DNAI7: variants seen among roughly 807,000 people sequenced by gnomAD.
DNAI7 encodes the protein cancer susceptibility 1.
Under a neutral mutation model 86.6 loss-of-function variants are expected in DNAI7, and 78 were observed. That is an observed-to-expected ratio of 0.90 (90% confidence interval 0.75 to 1.09). DNAI7 has a LOEUF of 1.09. Among genes scored for constraint, DNAI7 ranks in the 50% least tolerant of loss-of-function variants. The pLI is 0.00. For missense variants in DNAI7, 753 were observed against 810.2 expected, an observed-to-expected ratio of 0.93 and a Z score of 0.86; for synonymous variants, 274 against 273.0, an observed-to-expected ratio of 1.00 and a Z score of -0.04.
At chr12:25,175,394 A>T (rs1030716642) in intron 2 of DNAI7, among the ~76,000 whole-genome samples, 1 of 151,678 alleles carries the variant, frequency 6.6e-6, no homozygotes, top group African/African-American at 2.4e-5. Flanking sequence ...TTTGAGACGG[A>T]CTCTCGCTCT....
At chr12:25,131,293 T>A (rs1942893679) in intron 9 of DNAI7, among the ~76,000 whole-genome samples, 1 of 152,190 alleles carries the variant, frequency 6.6e-6, no homozygotes, top group African/African-American at 2.4e-5. Flanking sequence ...TATCATGAAT[T>A]TATATGGCAG....
intron 9 of DNAI7, among the ~76,000 whole-genome samples, chr12:25,142,572 A>G (rs1944341459): frequency 6.6e-6 from 1 of 152,154 alleles, no homozygotes; most frequent in Non-Finnish European, 1.5e-5. Context: ...TTTGAGATAG[A>G]TGCATAAGAA....
Position 25,149,748 on chromosome 12 carries a change from TA to T in DNAI7, c.464del (p.Leu155TyrfsTer14). 2 of 1,528,428 alleles carry T rather than the reference TA, an allele frequency of 1.3e-6. No homozygotes were observed. The highest frequency in any genetic ancestry group is 1.8e-6 in the Non-Finnish European group (2 of 1,107,876). 94.7% of individuals were successfully genotyped at this position (1,528,428 alleles called of 1,614,324 possible). On this transcript the variant is annotated frameshift_variant, in exon 7 of 16. Coordinates refer to ENST00000395987, the MANE Select transcript of DNAI7 (RefSeq NM_018272.5). LOFTEE classifies it high-confidence loss of function. Reference sequence around the variant, plus strand: ...GCAAATCACATGGTGGAGTTTCCAGTAAAATAAATTTCAATTTCTCAATTAA... The same window carrying T: ...GCAAATCACATGGTGGAGTTTCCAGTAAATAAATTTCAATTTCTCAATTAA... ...LNLIEKLKFI[L>X]LETPPCDLQD...
At chr12:25,111,971 G>A (rs776669435) in intron 13 of DNAI7, 32 bp from the exon 14 acceptor site, 8 of 1,452,764 alleles carry the variant, frequency 5.5e-6, no homozygotes, top group South Asian at 2.6e-5. Context: ...AAGCTTTTAT[G>A]TAAGTTAAAT....
chr12:25,193,217 A>T (rs2141423709), intron 1 of DNAI7, among the ~76,000 whole-genome samples: 1 of 152,262 alleles, frequency 6.6e-6, no homozygotes, highest in African/African-American at 2.4e-5. Context: ...ATTTGATCTA[A>T]TTGGAGACAG....
At chr12:25,175,247 T>C (rs1948827066) in intron 2 of DNAI7, among the ~76,000 whole-genome samples, 1 of 152,240 alleles carries the variant, frequency 6.6e-6, no homozygotes, top group Non-Finnish European at 1.5e-5. Flanking sequence ...TTACCTCTTA[T>C]GTCACTGAAA....
rs752466880 is a variant in DNAI7 at position 25,158,583 on chromosome 12, T to A, written c.107-20A>T. The A allele has an allele frequency of 2.5e-6, 4 of 1,602,972 alleles. No individual in the cohort carries two copies. The highest frequency in any genetic ancestry group is 1.3e-5 in the African/African-American group (1 of 74,658). Reference sequence around the variant, plus strand: ...CTTCCTCTAAAGAACCAAAAATAATTTTTTTCTCAGTGAATAGATCACTGT... The same window carrying A: ...CTTCCTCTAAAGAACCAAAAATAATATTTTTCTCAGTGAATAGATCACTGT... On this transcript the variant is annotated intron_variant, in intron 3 of 15. Transcript: ENST00000395987.
chr12:25,181,528 C>A (rs147374073), intron 2 of DNAI7, among the ~76,000 whole-genome samples: 2 of 152,030 alleles, frequency 1.3e-5, no homozygotes, highest in Non-Finnish European at 2.9e-5. Context: ...GCAACAAAAA[C>A]AAAAATTGAT....
At position 25,173,472 on chromosome 12, in the gene DNAI7, G is replaced by T. The variant is rs149914323; in HGVS notation, c.22-12275C>A. On this transcript the variant is annotated intron_variant, in intron 2 of 15. Transcript: ENST00000395987. ...AACACTAAATGTTGGCATGGATATGGTGAACAGGAAAAACTTCCAGAAGGC... is the reference window on the plus strand; with the variant it reads ...AACACTAAATGTTGGCATGGATATGTTGAACAGGAAAAACTTCCAGAAGGC... Among the ~76,000 whole-genome samples, 535 of 152,162 alleles carry T rather than the reference G, an allele frequency of 3.5e-3. 4 individuals are homozygous for T. The highest frequency in any genetic ancestry group is 0.012 in the African/African-American group (514 of 41,540).
intron 2 of DNAI7, among the ~76,000 whole-genome samples, chr12:25,184,576 C>A (rs1266678671): frequency 6.6e-6 from 1 of 152,110 alleles, no homozygotes; most frequent in African/African-American, 2.4e-5. Flanking sequence ...TACTGTTAAA[C>A]CCACATGTTT....
chr12:25,171,042 G>T (rs1482226524), intron 2 of DNAI7, among the ~76,000 whole-genome samples: 4 of 151,890 alleles, frequency 2.6e-5, no homozygotes, highest in African/African-American at 9.7e-5. Flanking sequence ...GCACAAACAG[G>T]CAATCTAAGG....
In DNAI7 at chr12:25,158,802, A is replaced by G. The variant is rs961363174; in HGVS notation, c.107-239T>C. The stretch of plus-strand genomic sequence containing the variant: ...AAAGGATATGAACAGACACTTCTCA[A>G]AAGAAGACATTTATGCAGCCAACAG... On this transcript the variant is annotated intron_variant, in intron 3 of 15. Coordinates refer to ENST00000395987, the MANE Select transcript of DNAI7 (RefSeq NM_018272.5). 7 of 632,530 alleles carry G rather than the reference A, an allele frequency of 1.1e-5. No individual in the cohort carries two copies. In the African/African-American group the frequency reaches 1.1e-4, roughly 10 times the overall value. The allele number at this position is 632,530 out of a possible 1,614,324, so 39.2% of individuals were successfully genotyped here. A position where few individuals can be genotyped will look rare whatever the true frequency, so the allele number is the denominator to read the frequency against.
downstream of DNAI7, chr12:25,108,065 A>C (rs756037203): frequency 1.9e-6 from 3 of 1,612,330 alleles, no homozygotes; most frequent in East Asian, 2.2e-5. Context: ...GTGTGACAGC[A>C]GGACATCCTA....
rs959055462 is a variant in DNAI7 at position 25,129,767 on chromosome 12, A to T, written c.1003-6481T>A. 3.2e-3 allele frequency among the ~76,000 whole-genome samples: 481 copies of T among 148,870 alleles called. 3 individuals are homozygous for T. Among genetic ancestry groups the T allele is most frequent in the Middle Eastern group, 0.021 (6 of 288 alleles). ...TTGGGTTTATTTTTATTTTATTTTT[A>T]TTTTTTTTTTTTGACATGGAGTTTC... On this transcript the variant is annotated intron_variant, in intron 9 of 15. Coordinates refer to ENST00000395987, the MANE Select transcript of DNAI7 (RefSeq NM_018272.5).
intron 9 of DNAI7, among the ~76,000 whole-genome samples, chr12:25,137,028 A>G (rs1033987620): frequency 2.0e-5 from 3 of 152,194 alleles, no homozygotes; most frequent in African/African-American, 7.2e-5. Context: ...GGTTTTTGCC[A>G]GAAATCTAGA....
At chr12:25,126,685 G>A (rs189103351) in intron 9 of DNAI7, among the ~76,000 whole-genome samples, 3 of 152,296 alleles carry the variant, frequency 2.0e-5, no homozygotes, top group African/African-American at 7.2e-5. Context: ...TAATGAATTT[G>A]ATTGTGGAAT....
intron 9 of DNAI7, among the ~76,000 whole-genome samples, chr12:25,142,623 T>C (rs746633919): frequency 5.3e-5 from 8 of 152,220 alleles, no homozygotes; most frequent in Non-Finnish European, 1.2e-4. Context: ...ATAGTTCAAA[T>C]TTTATGGTTC....
At chr12:25,126,785 G>GATTAT (rs557976468) in intron 9 of DNAI7, among the ~76,000 whole-genome samples, 36 of 152,060 alleles carry the variant, frequency 2.4e-4, no homozygotes, top group Non-Finnish European at 4.6e-4. Context: ...TTTCAGGGAG[G>GATTAT]ATTATGATCA....
downstream of DNAI7, chr12:25,107,690 A>C: frequency 1.2e-6 from 1 of 802,334 alleles, no homozygotes; most frequent in Non-Finnish European, 2.0e-6. Flanking sequence ...GATAAATCAT[A>C]ATATGTAGAT....
Sources: allele counts gnomAD v4.1 joint callset (sites outside exome capture counted in the v4.1 genomes callset), GRCh38; gene constraint gnomAD v4.1.1; transcripts MANE v1.5; gene names NCBI Gene and HGNC (gene_info 2026-07-23, HGNC 2026-07-21).